Variants in CCDC141 observed in about 807,000 individuals in gnomAD.
The protein encoded by CCDC141 is coiled-coil domain containing 141.
Under a neutral mutation model 181.0 loss-of-function variants are expected in CCDC141, and 168 were observed. The ratio of observed to expected loss-of-function variants is 0.93; its 90% CI spans 0.82 to 1.05. The LOEUF (loss-of-function observed/expected upper bound fraction) is 1.05. Ranked by LOEUF, CCDC141 falls within the 50% of genes least tolerant of loss-of-function variation. The pLI is 0.00. For synonymous variants in CCDC141, 666 were observed against 642.3 expected, an observed-to-expected ratio of 1.04 and a Z score of -0.56; for missense variants, 1,902 against 1,788.5, an observed-to-expected ratio of 1.06 and a Z score of -1.14.
chr2:178,988,029 C>T (rs867822041), intron 2 of CCDC141, among the ~76,000 whole-genome samples: 7 of 151,866 alleles, frequency 4.6e-5, no homozygotes, highest in Admixed American at 1.3e-4. Context: ...CGTATGTTTA[C>T]TGCGGCACTA....
At chr2:178,976,532 T>G (rs774657976) in intron 3 of CCDC141, among the ~76,000 whole-genome samples, 1 of 152,230 alleles carries the variant, frequency 6.6e-6, no homozygotes, top group Non-Finnish European at 1.5e-5. Flanking sequence ...TAGAACAACC[T>G]GATGGACATC....
intron 12 of CCDC141, among the ~76,000 whole-genome samples, chr2:178,872,647 C>G (rs554763714): frequency 6.6e-6 from 1 of 152,248 alleles, no homozygotes; most frequent in Non-Finnish European, 1.5e-5. Context: ...TATACCTATA[C>G]GCATTTTAAG....
chr2:178,892,157 T>C (rs1424813530), intron 8 of CCDC141, among the ~76,000 whole-genome samples: 1 of 152,168 alleles, frequency 6.6e-6, no homozygotes, highest in Non-Finnish European at 1.5e-5. Flanking sequence ...GACTGCCCAA[T>C]TTCTTCTTTG....
chr2:178,883,699 A>C (rs1202235534), intron 11 of CCDC141, among the ~76,000 whole-genome samples: 1 of 152,030 alleles, frequency 6.6e-6, no homozygotes, highest in East Asian at 1.9e-4. Context: ...CTAAACCAGC[A>C]CCCATCTGCC....
At chr2:178,909,454 A>T (rs768273298) in intron 7 of CCDC141, among the ~76,000 whole-genome samples, 3 of 152,218 alleles carry the variant, frequency 2.0e-5, no homozygotes, top group Non-Finnish European at 4.4e-5. Flanking sequence ...ACTGACCTCA[A>T]TCCTAACCAA....
At position 178,884,960 on chromosome 2, in the gene CCDC141, T is replaced by C; in HGVS notation, c.1660A>G (p.Ile554Val). The change falls in exon 11 of 24, where the codon ATT (isoleucine) becomes GTT (valine). Residue 554 changes from isoleucine (I) to valine (V), a missense_variant. Transcript: ENST00000443758. Reference protein sequence around the residue: ...AEELNLFGQSIDYRSQVLQTY... With the variant: ...AEELNLFGQSVDYRSQVLQTY... Reference sequence around the variant, plus strand: ...TGCAGGACTTGCGATCTATAGTCAATGCTTTGGCCAAATAGGTTTAATTCT... The same window carrying C: ...TGCAGGACTTGCGATCTATAGTCAACGCTTTGGCCAAATAGGTTTAATTCT... The C allele has an allele frequency of 6.4e-7, 1 of 1,550,476 alleles. No individual in the cohort carries two copies. The highest frequency in any genetic ancestry group is 8.7e-7 in the Non-Finnish European group (1 of 1,146,882).
chr2:178,956,981 G>A (rs1281959530), intron 5 of CCDC141, among the ~76,000 whole-genome samples: 2 of 151,858 alleles, frequency 1.3e-5, no homozygotes, highest in African/African-American at 2.4e-5. Flanking sequence ...CCAGGTTCAC[G>A]CAATTCTGCC....
At position 178,963,321 on chromosome 2, in the gene CCDC141, C is replaced by A. The variant is rs576665972; in HGVS notation, c.527-1838G>T. Reference sequence around the variant, plus strand: ...GAAAGTGAGCTGAGAAGTGGGAAGGCAACACTCAGGACAATCTTTGAGACA... The same window carrying A: ...GAAAGTGAGCTGAGAAGTGGGAAGGAAACACTCAGGACAATCTTTGAGACA... On this transcript the variant is annotated intron_variant, in intron 4 of 23. Coordinates refer to ENST00000443758, the MANE Select transcript of CCDC141 (RefSeq NM_173648.4). Among the ~76,000 whole-genome samples the A allele has an allele frequency of 9.9e-5, 15 of 152,020 alleles. No homozygotes were observed. The South Asian group carries it at 2.9e-3, about 29-fold the overall frequency.
chr2:178,845,978 G>A (rs1285284479), intron 21 of CCDC141, among the ~76,000 whole-genome samples: 1 of 152,152 alleles, frequency 6.6e-6, no homozygotes, highest in Admixed American at 6.6e-5. Context: ...GTTGTTGAAA[G>A]ACCCAGCAGG....
intron 6 of CCDC141, among the ~76,000 whole-genome samples, chr2:178,934,130 T>G (rs1454885078): frequency 1.3e-5 from 2 of 152,062 alleles, no homozygotes; most frequent in African/African-American, 4.8e-5. Flanking sequence ...GTGACTCCAG[T>G]GTGCAGCCAG....
Position 178,836,891 on chromosome 2 carries a change from C to T in CCDC141, c.4325+3G>A, listed in dbSNP as rs267599096. ...TTATGGCTTGTCATTATAGGCTACC[C>T]ACCATGTCAGTGTAGGCTCTGGAAA... On this transcript the variant is annotated splice_donor_region_variant and intron_variant, in intron 23 of 23. Transcript: ENST00000443758. 1.9e-6 allele frequency: 3 copies of T among 1,600,564 alleles called. No individual in the cohort carries two copies. The highest frequency in any genetic ancestry group is 1.8e-5 in the Admixed American group (1 of 56,214).
intron 6 of CCDC141, among the ~76,000 whole-genome samples, chr2:178,920,995 A>C (rs1057479346): frequency 1.9e-4 from 29 of 152,214 alleles, no homozygotes; most frequent in Non-Finnish European, 5.9e-5. Context: ...TAGGTTCAGA[A>C]GAGTATGCTA....
At chr2:178,940,121 T>C (rs1689447838) in intron 6 of CCDC141, among the ~76,000 whole-genome samples, 2 of 151,958 alleles carry the variant, frequency 1.3e-5, no homozygotes, top group East Asian at 1.9e-4. Context: ...GCATGAAAAA[T>C]GTAATAGCTG....
intron 2 of CCDC141, among the ~76,000 whole-genome samples, chr2:178,992,469 C>A (rs144072969): frequency 6.6e-6 from 1 of 150,988 alleles, no homozygotes; most frequent in Non-Finnish European, 1.5e-5. Context: ...CCTTCCTTAT[C>A]CTTCCAAATT....
chr2:178,900,668 T>G (rs376040748), intron 8 of CCDC141, among the ~76,000 whole-genome samples: 1 of 152,148 alleles, frequency 6.6e-6, no homozygotes, highest in African/African-American at 2.4e-5. Context: ...TCCTCTTATA[T>G]TTAAGTTTTG....
At chr2:179,034,868 G>A (rs2043097762) in intron 2 of CCDC141, among the ~76,000 whole-genome samples, 1 of 151,962 alleles carries the variant, frequency 6.6e-6, no homozygotes, top group Admixed American at 6.6e-5. Context: ...CATTTTTATT[G>A]ATTTTATTTG....
At chr2:178,891,318 C>T (rs1687138220) in intron 8 of CCDC141, among the ~76,000 whole-genome samples, 1 of 152,124 alleles carries the variant, frequency 6.6e-6, no homozygotes, top group Admixed American at 6.6e-5. Flanking sequence ...TTGTTATCCC[C>T]ATTTCGCAGA....
rs1692258676 is a variant in CCDC141, at chr2:178,995,741, G to A, written c.226-17066C>T. On this transcript the variant is annotated intron_variant, in intron 2 of 23. Coordinates refer to ENST00000443758, the MANE Select transcript of CCDC141 (RefSeq NM_173648.4). ...CCAGCTCTGTTCTCTTTGCTATTTA[G>A]AATAAACAGACAACTGAGTGTCTAA... Among the ~76,000 whole-genome samples the A allele has an allele frequency of 2.0e-5, 3 of 152,162 alleles. No individual in the cohort carries two copies. The South Asian group carries it at 6.2e-4, about 32-fold the overall frequency.
In CCDC141 at chr2:178,870,231, C is replaced by CAAAAAAAAA. The variant is rs34625707; in HGVS notation, c.2206-935_2206-927dup. Among the ~76,000 whole-genome samples, 43 of 60,284 alleles carry CAAAAAAAAA rather than the reference C, an allele frequency of 7.1e-4. 1 individual carries two copies. Among genetic ancestry groups the CAAAAAAAAA allele is most frequent in the Non-Finnish European group, 9.8e-4 (31 of 31,626 alleles). 39.5% of individuals were successfully genotyped at this position (60,284 alleles called of 152,430 possible). ...TGGGCAACAGAGTAAGACTCTGTCT[C>CAAAAAAAAA]AAAAAAAAAAAAAAAAAAAAAAAGA... is the stretch of plus-strand genomic sequence containing the variant. On this transcript the variant is annotated intron_variant, in intron 14 of 23. Transcript: ENST00000443758.
Sources: gnomAD v4.1 joint callset for allele counts (sites outside exome capture counted in the v4.1 genomes callset) on GRCh38, gnomAD v4.1.1 for gene constraint, MANE v1.5 for transcripts, NCBI Gene and HGNC (gene_info 2026-07-23, HGNC 2026-07-21) for gene names.